Variants in TUFT1 observed in about 807,000 individuals in gnomAD.
The protein encoded by TUFT1 is tuftelin.
TUFT1 carries 43 observed loss-of-function variants against 57.8 expected under a neutral mutation model. The ratio of observed to expected loss-of-function variants is 0.74; its 90% CI spans 0.58 to 0.96. TUFT1 has a LOEUF of 0.96. Among genes scored for constraint, TUFT1 ranks in the 40% least tolerant of loss-of-function variants. The pLI is 0.00. For missense variants in TUFT1, 459 were observed against 489.0 expected, an observed-to-expected ratio of 0.94 and a Z score of 0.58; for synonymous variants, 166 against 176.7, an observed-to-expected ratio of 0.94 and a Z score of 0.48.
At chr1:151,554,191 G>A (rs1292740226) in intron 1 of TUFT1, among the ~76,000 whole-genome samples, 1 of 152,030 alleles carries the variant, frequency 6.6e-6, no homozygotes, top group Non-Finnish European at 1.5e-5. Context: ...AATTAATGTT[G>A]GTACAATGCT....
At chr1:151,571,759 T>G (rs1666255932) in intron 7 of TUFT1, among the ~76,000 whole-genome samples, 1 of 152,188 alleles carries the variant, frequency 6.6e-6, no homozygotes, top group African/African-American at 2.4e-5. Flanking sequence ...TTTGCTGGTT[T>G]TAATCACACA....
intron 9 of TUFT1, among the ~76,000 whole-genome samples, chr1:151,575,608 T>C (rs1289227422): frequency 6.6e-6 from 1 of 152,180 alleles, no homozygotes; most frequent in African/African-American, 2.4e-5. Flanking sequence ...AGACAACCAA[T>C]GAAGCCTACA....
At chr1:151,543,276 G>A (rs888057781) in intron 1 of TUFT1, among the ~76,000 whole-genome samples, 3 of 152,044 alleles carry the variant, frequency 2.0e-5, no homozygotes, top group Non-Finnish European at 4.4e-5. Flanking sequence ...CTCTTAGAGT[G>A]TTAGTGAGGA....
intron 6 of TUFT1, among the ~76,000 whole-genome samples, chr1:151,569,338 A>G (rs532686021): frequency 1.3e-5 from 2 of 152,336 alleles, no homozygotes; most frequent in African/African-American, 4.8e-5. Context: ...AGCAGGATGC[A>G]CACCTACAGA....
intron 4 of TUFT1, 98 bp from the exon 5 acceptor site, chr1:151,564,427 A>G (rs1490829172): frequency 2.4e-6 from 2 of 845,184 alleles, no homozygotes; most frequent in Non-Finnish European, 3.9e-6. Context: ...ACAGTGCCTG[A>G]CTCGCAGTAC....
chr1:151,571,955 A>G (rs367645206), intron 7 of TUFT1, among the ~76,000 whole-genome samples: 1 of 152,144 alleles, frequency 6.6e-6, no homozygotes, highest in Non-Finnish European at 1.5e-5. Context: ...AGGAGGCCTC[A>G]GGAGGCCTCA....
chr1:151,541,321 C>T (rs1047243693), intron 1 of TUFT1, among the ~76,000 whole-genome samples: 2 of 152,192 alleles, frequency 1.3e-5, no homozygotes, highest in African/African-American at 2.4e-5. Context: ...CTCCCAGTCC[C>T]AGTTCTCCCC....
chr1:151,548,472 T>C (rs1665413653), intron 1 of TUFT1, among the ~76,000 whole-genome samples: 1 of 152,044 alleles, frequency 6.6e-6, no homozygotes, highest in Non-Finnish European at 1.5e-5. Flanking sequence ...CCAGCTAATT[T>C]TTGTATTTTT....
At chr1:151,548,197 C>T (rs1237459352) in intron 1 of TUFT1, among the ~76,000 whole-genome samples, 1 of 152,218 alleles carries the variant, frequency 6.6e-6, no homozygotes, top group African/African-American at 2.4e-5. Flanking sequence ...CCACCTATCC[C>T]ATCCGGCTCT....
At chr1:151,553,496 C>G (rs563318879) in intron 1 of TUFT1, among the ~76,000 whole-genome samples, 67 of 152,158 alleles carry the variant, frequency 4.4e-4, no homozygotes, top group Non-Finnish European at 7.6e-4. Flanking sequence ...TTTCTATGAC[C>G]CACCTTGAGA....
At chr1:151,558,821 G>A (rs1240120187) in intron 1 of TUFT1, among the ~76,000 whole-genome samples, 1 of 145,996 alleles carries the variant, frequency 6.8e-6, no homozygotes, top group African/African-American at 2.5e-5. Flanking sequence ...GTCTTGCTCT[G>A]TTGCCCAGGC....
At chr1:151,566,113 T>G (rs1558010028) in intron 5 of TUFT1, 50 bp from the exon 6 acceptor site, 1 of 1,277,158 alleles carries the variant, frequency 7.8e-7, no homozygotes, top group African/African-American at 1.5e-5. Flanking sequence ...TGTTTCAAAG[T>G]TGGTTGCTTT....
At chr1:151,548,905 A>G (rs952382491) in intron 1 of TUFT1, among the ~76,000 whole-genome samples, 12 of 152,218 alleles carry the variant, frequency 7.9e-5, no homozygotes, top group Admixed American at 7.2e-4. Flanking sequence ...GTGGTGTGAG[A>G]ACTCTGCACC....
At chr1:151,570,890 A>G (rs1432926231) in intron 7 of TUFT1, among the ~76,000 whole-genome samples, 1 of 152,094 alleles carries the variant, frequency 6.6e-6, no homozygotes, top group Non-Finnish European at 1.5e-5. Context: ...TGTTTTTTGT[A>G]GAGACAGGGT....
chr1:151,544,516 C>T (rs1284463906), intron 1 of TUFT1, among the ~76,000 whole-genome samples: 1 of 152,166 alleles, frequency 6.6e-6, no homozygotes, highest in Non-Finnish European at 1.5e-5. Flanking sequence ...AGGCTGGTCT[C>T]AAACTCCTGA....
intron 1 of TUFT1, among the ~76,000 whole-genome samples, chr1:151,560,300 C>T (rs1665843536): frequency 6.6e-6 from 1 of 151,854 alleles, no homozygotes; most frequent in Non-Finnish European, 1.5e-5. Context: ...CCTGTAATCC[C>T]AGCTACTTGG....
intron 1 of TUFT1, chr1:151,545,908 G>A: frequency 1.9e-6 from 1 of 527,342 alleles, no homozygotes; most frequent in Non-Finnish European, 3.9e-6. Flanking sequence ...TTCTTTTTTA[G>A]ACCTCATGAC....
At chr1:151,561,917 C>G (rs1558007838) in intron 1 of TUFT1, 174 bp from the exon 2 acceptor site, 1 of 1,513,904 alleles carries the variant, frequency 6.6e-7, no homozygotes, top group Admixed American at 2.1e-5. Context: ...CCCCAAACAC[C>G]TGATCTTGGG....
rs2102560692 is a variant in TUFT1 at position 151,580,957 on chromosome 1, G to T, written c.1024G>T (p.Asp342Tyr). The T allele has an allele frequency of 2.5e-6, 4 of 1,614,120 alleles. No homozygotes were observed. In the South Asian group the frequency reaches 3.3e-5, roughly 13 times the overall value. The part of the protein sequence containing the change: ...YLEAENLEMH[D>Y]RMEHLIEKQI... ...TGTGTTACAGAATTTAGAGATGCAT[G>T]ACCGGATGGAACACCTGATAGAAAA... The change falls in exon 12 of 13, where the codon GAC becomes TAC. Residue 342 changes from aspartate to tyrosine, a missense_variant. Asp to Tyr is a radical substitution (Grantham distance 160). Coordinates refer to ENST00000368849, the MANE Select transcript of TUFT1 (RefSeq NM_020127.3).
Sources: allele counts gnomAD v4.1 joint callset (sites outside exome capture counted in the v4.1 genomes callset), GRCh38; gene constraint gnomAD v4.1.1; transcripts MANE v1.5; gene names NCBI Gene and HGNC (gene_info 2026-07-23, HGNC 2026-07-21).